PCSK5: variants seen among roughly 807,000 people sequenced by gnomAD.
PCSK5 encodes the protein proprotein convertase subtilisin/kexin type 5, also known as prohormone convertase 5.
A neutral mutation model predicts 233.2 loss-of-function variants in PCSK5; 129 were observed. The ratio of observed to expected loss-of-function variants is 0.55; its 90% CI spans 0.48 to 0.64. PCSK5 has a LOEUF of 0.64. Ranked by LOEUF, PCSK5 falls within the 30% of genes least tolerant of loss-of-function variation. The pLI is 0.00. For missense variants in PCSK5, 2,076 were observed against 2,430.1 expected, an observed-to-expected ratio of 0.85 and a Z score of 3.06; for synonymous variants, 825 against 879.2, an observed-to-expected ratio of 0.94 and a Z score of 1.09.
intron 24 of PCSK5, among the ~76,000 whole-genome samples, chr9:76,280,950 C>T (rs183597763): frequency 1.3e-5 from 2 of 151,988 alleles, no homozygotes; most frequent in African/African-American, 4.8e-5. Context: ...TTTCCTTAAG[C>T]CAAAGCCTAA....
chr9:76,235,933 G>A (rs2131322689), intron 22 of PCSK5, among the ~76,000 whole-genome samples: 2 of 152,300 alleles, frequency 1.3e-5, no homozygotes, highest in South Asian at 4.1e-4. Flanking sequence ...TTTAATAAAA[G>A]GCTAAAAATC....
At chr9:76,347,746 G>A (rs2803404) in intron 35 of PCSK5, among the ~76,000 whole-genome samples, 63,582 of 146,836 alleles carry the variant, frequency 0.43, 15,202 homozygotes, top group East Asian at 0.58. Context: ...GTAAAACTCC[G>A]TCTCCAAAAA....
At position 76,181,393 on chromosome 9, in the gene PCSK5, T is replaced by C; in HGVS notation, c.2004-5T>C. Reference sequence around the variant, plus strand: ...TGCCTTCTTTCTTATTGTTTCACAATGCAGGATCTGTGTCTCCAGCTGCCC... The same window carrying C: ...TGCCTTCTTTCTTATTGTTTCACAACGCAGGATCTGTGTCTCCAGCTGCCC... On this transcript the variant is annotated splice_polypyrimidine_tract_variant and splice_region_variant and intron_variant, in intron 15 of 37. Transcript: ENST00000674117. 6.2e-7 allele frequency: 1 copy of C among 1,611,188 alleles called. No individual in the cohort carries two copies. Among genetic ancestry groups the C allele is most frequent in the Non-Finnish European group, 8.5e-7 (1 of 1,178,630 alleles).
intron 24 of PCSK5, among the ~76,000 whole-genome samples, chr9:76,246,962 C>T (rs945273622): frequency 4.6e-5 from 7 of 152,200 alleles, no homozygotes; most frequent in Admixed American, 3.9e-4. Flanking sequence ...TTCTTGGCCT[C>T]ATGGATTCCA....
chr9:76,078,518 AT>A (rs1454448408), intron 7 of PCSK5, among the ~76,000 whole-genome samples: 1 of 152,152 alleles, frequency 6.6e-6, no homozygotes, highest in Non-Finnish European at 1.5e-5. Flanking sequence ...TCCCAGCACT[AT>A]TTATTGAATA....
At chr9:75,970,678 G>A (rs2131364004) in intron 2 of PCSK5, among the ~76,000 whole-genome samples, 1 of 152,068 alleles carries the variant, frequency 6.6e-6, no homozygotes, top group East Asian at 1.9e-4. Flanking sequence ...CTGGAGTGCA[G>A]TGACACGATC....
At chr9:76,130,507 G>A (rs753645111) in intron 9 of PCSK5, among the ~76,000 whole-genome samples, 31 of 152,172 alleles carry the variant, frequency 2.0e-4, no homozygotes, top group Middle Eastern at 3.4e-3. Context: ...CAGTTTTGTC[G>A]TCTGTGAAAC....
intron 3 of PCSK5, among the ~76,000 whole-genome samples, chr9:76,014,562 C>T (rs1041106941): frequency 2.0e-5 from 3 of 152,182 alleles, no homozygotes; most frequent in African/African-American, 7.2e-5. Context: ...ACAGTATTTG[C>T]TTCTGTCATG....
Position 76,340,025 on chromosome 9 carries a change from C to T in PCSK5, c.4966+1578C>T, listed in dbSNP as rs535569826. ...ACTCAATGCTGTAGGGAACTCTCAA[C>T]TTAAAGATTCAGCTTGAGTATCATC... On this transcript the variant is annotated intron_variant, in intron 35 of 37. Coordinates refer to ENST00000674117, the MANE Select transcript of PCSK5 (RefSeq NM_001372043.1). Among the ~76,000 whole-genome samples the T allele has an allele frequency of 9.2e-5, 14 of 152,268 alleles. No individual in the cohort carries two copies. In the South Asian group the frequency reaches 2.5e-3, roughly 27 times the overall value.
At chr9:76,340,618 G>C (rs4745536) in intron 35 of PCSK5, among the ~76,000 whole-genome samples, 53,763 of 140,346 alleles carry the variant, frequency 0.38, 10,827 homozygotes, top group East Asian at 0.74. Flanking sequence ...GCACTCCAGC[G>C]TGGCAACAGA....
chr9:76,185,037 T>C (rs1322890838), intron 17 of PCSK5, among the ~76,000 whole-genome samples: 2 of 152,232 alleles, frequency 1.3e-5, no homozygotes, highest in Non-Finnish European at 2.9e-5. Context: ...AGAGGCATTC[T>C]TTGTGCTTTT....
At chr9:76,172,041 G>A (rs367845117) in intron 13 of PCSK5, among the ~76,000 whole-genome samples, 14 of 152,184 alleles carry the variant, frequency 9.2e-5, no homozygotes, top group African/African-American at 2.2e-4. Flanking sequence ...ATCAGTAAGC[G>A]AATAGAAATT....
intron 1 of PCSK5, among the ~76,000 whole-genome samples, chr9:75,917,157 A>G (rs1823038464): frequency 1.4e-5 from 2 of 143,068 alleles, no homozygotes; most frequent in Admixed American, 7.3e-5. Context: ...CAACGAAGAG[A>G]GACTCCGTCT....
chr9:75,892,333 C>G (rs919696551), intron 1 of PCSK5, among the ~76,000 whole-genome samples: 2 of 152,228 alleles, frequency 1.3e-5, no homozygotes, highest in Admixed American at 6.5e-5. Flanking sequence ...TGGTTCTCTT[C>G]CCCCGACACC....
At chr9:76,262,427 A>C (rs9774936) in intron 24 of PCSK5, among the ~76,000 whole-genome samples, 3,002 of 152,258 alleles carry the variant, frequency 0.02, 43 homozygotes, top group Middle Eastern at 0.044. Context: ...ACCAAAACAG[A>C]GATATGGATC....
At chr9:76,236,545 G>T (rs1307543742) in intron 22 of PCSK5, among the ~76,000 whole-genome samples, 1 of 152,092 alleles carries the variant, frequency 6.6e-6, no homozygotes, top group Admixed American at 6.6e-5. Flanking sequence ...GAAGACCCTG[G>T]GCAAGTAGCC....
At chr9:76,205,227 C>T (rs1448126583) in intron 20 of PCSK5, 3 of 518,838 alleles carry the variant, frequency 5.8e-6, no homozygotes, top group Non-Finnish European at 1.2e-5. Flanking sequence ...CGTATTCAAC[C>T]CTCCACCTCC....
At chr9:75,926,744 T>A (rs894129997) in intron 1 of PCSK5, among the ~76,000 whole-genome samples, 5 of 152,226 alleles carry the variant, frequency 3.3e-5, no homozygotes, top group African/African-American at 1.2e-4. Context: ...TGATTGATTG[T>A]TCCTCTTAAT....
chr9:75,891,048 C>A lies in PCSK5; in HGVS notation c.-134C>A. The stretch of plus-strand genomic sequence containing the variant: ...CCCTGCCGGGGCTAGCCGCCTCCTG[C>A]CGATCGCCCGGGGCTGCGAGCTGCG... On this transcript the variant is annotated 5_prime_UTR_variant, in exon 1 of 38. Transcript: ENST00000674117. 3 of 619,638 alleles carry A rather than the reference C, an allele frequency of 4.8e-6. No individual in the cohort carries two copies. The highest frequency in any genetic ancestry group is 7.2e-6 in the Non-Finnish European group (3 of 418,008). 38.4% of individuals were successfully genotyped at this position (619,638 alleles called of 1,614,324 possible).
Sources: gnomAD v4.1 joint callset for allele counts (sites outside exome capture counted in the v4.1 genomes callset) on GRCh38, gnomAD v4.1.1 for gene constraint, MANE v1.5 for transcripts, NCBI Gene and HGNC (gene_info 2026-07-23, HGNC 2026-07-21) for gene names.